BLNK: variants seen among roughly 807,000 people sequenced by gnomAD.
The protein encoded by BLNK is B cell linker.
Under a neutral mutation model 73.5 loss-of-function variants are expected in BLNK, and 29 were observed. That is an observed-to-expected ratio of 0.39 (90% CI 0.29 to 0.54). The LOEUF (loss-of-function observed/expected upper bound fraction) is 0.54. BLNK is among the 20% of genes least tolerant of loss of function. BLNK has a pLI of 0.61. For missense variants in BLNK, 460 were observed against 562.8 expected, an observed-to-expected ratio of 0.82 and a Z score of 1.85; for synonymous variants, 176 against 200.8, an observed-to-expected ratio of 0.88 and a Z score of 1.04.
chr10:96,204,038 A>G lies in BLNK; in HGVS notation c.934+19T>C, dbSNP rs1554896822. The G allele has an allele frequency of 7.5e-6, 12 of 1,608,674 alleles. No individual in the cohort carries two copies. The highest frequency in any genetic ancestry group is 1.0e-5 in the Non-Finnish European group (12 of 1,175,204). Reference sequence around the variant, plus strand: ...CCTCGACCACTCCCTGATACACTACATGGCTTCGTTGTACTTACTTGGCAG... The same window carrying G: ...CCTCGACCACTCCCTGATACACTACGTGGCTTCGTTGTACTTACTTGGCAG... On this transcript the variant is annotated intron_variant, in intron 13 of 16. Coordinates refer to ENST00000224337, the MANE Select transcript of BLNK (RefSeq NM_013314.4).
chr10:96,271,230 G>T, intron 1 of BLNK, 122 bp downstream of exon 1: 1 of 1,147,346 alleles, frequency 8.7e-7, no homozygotes, highest in Non-Finnish European at 1.3e-6. Flanking sequence ...CTTCCCTATA[G>T]TAAGTGCCAC....
In BLNK at chr10:96,230,843, G is replaced by T; in HGVS notation, c.164-9C>A. The T allele has an allele frequency of 6.2e-7, 1 of 1,610,774 alleles. No individual in the cohort carries two copies. The highest frequency in any genetic ancestry group is 8.5e-7 in the Non-Finnish European group (1 of 1,178,690). ...TTCGTCAGCAGGGCTCTCTGCAACAGCAGGGGAGAAGCAGAAGGCACAAGT... is the reference window on the plus strand; with the variant it reads ...TTCGTCAGCAGGGCTCTCTGCAACATCAGGGGAGAAGCAGAAGGCACAAGT... On this transcript the variant is annotated splice_polypyrimidine_tract_variant and intron_variant, in intron 3 of 16. Coordinates refer to ENST00000224337, the MANE Select transcript of BLNK (RefSeq NM_013314.4).
intron 5 of BLNK, among the ~76,000 whole-genome samples, chr10:96,226,758 C>T (rs1554902575): frequency 6.6e-6 from 1 of 151,876 alleles, no homozygotes; most frequent in East Asian, 1.9e-4. Flanking sequence ...GGAGGCTGGA[C>T]CCAGGAGGCA....
intron 1 of BLNK, among the ~76,000 whole-genome samples, chr10:96,261,961 C>A (rs1395427216): frequency 6.6e-6 from 1 of 152,144 alleles, no homozygotes; most frequent in Non-Finnish European, 1.5e-5. Context: ...ACTCTAGGTA[C>A]GAGCTCAGAC....
chr10:96,214,160 G>A (rs587721484), intron 8 of BLNK, among the ~76,000 whole-genome samples: 64 of 152,270 alleles, frequency 4.2e-4, no homozygotes, highest in South Asian at 1.2e-3. Flanking sequence ...GTGTGCACAC[G>A]CGCATATGTG....
chr10:96,202,458 G>C (rs782562653), intron 13 of BLNK, among the ~76,000 whole-genome samples: 1 of 152,192 alleles, frequency 6.6e-6, no homozygotes, highest in African/African-American at 2.4e-5. Flanking sequence ...AAGCAAGTGA[G>C]AAGTCAAGGG....
At chr10:96,244,035 A>C (rs1173324433) in intron 2 of BLNK, among the ~76,000 whole-genome samples, 3 of 152,212 alleles carry the variant, frequency 2.0e-5, no homozygotes, top group African/African-American at 7.2e-5. Context: ...AAAAATGCAC[A>C]CAAAAACAAT....
intron 15 of BLNK, 58 bp from the exon 16 acceptor site, chr10:96,197,121 G>C (rs1554894903): frequency 3.5e-6 from 5 of 1,417,898 alleles, no homozygotes; most frequent in Non-Finnish European, 4.8e-6. Flanking sequence ...ATTTCTACAG[G>C]TTCAAAAAAT....
chr10:96,195,011 C>T (rs587757049), intron 16 of BLNK, among the ~76,000 whole-genome samples: 6 of 151,910 alleles, frequency 3.9e-5, no homozygotes, highest in Non-Finnish European at 8.8e-5. Context: ...CCTCGTGATC[C>T]GCCCGTCTCG....
chr10:96,246,086 T>A (rs1315081055), intron 2 of BLNK, among the ~76,000 whole-genome samples: 1 of 152,126 alleles, frequency 6.6e-6, no homozygotes, highest in Admixed American at 6.5e-5. Context: ...CTAAGGTACG[T>A]CTACCTTAGA....
intron 15 of BLNK, chr10:96,199,626 G>A (rs2083574436): frequency 2.3e-6 from 1 of 431,896 alleles, no homozygotes. Context: ...AAAGGAAAAA[G>A]ATCCTTGTAT....
intron 16 of BLNK, among the ~76,000 whole-genome samples, chr10:96,196,263 T>C (rs868955909): frequency 1.3e-5 from 2 of 152,350 alleles, no homozygotes; most frequent in Middle Eastern, 6.8e-3. Flanking sequence ...TAAGTATCAC[T>C]GCATTTCTAG....
rs150997049 is a variant in BLNK, at chr10:96,207,631, T to C, written c.774+241A>G. On this transcript the variant is annotated intron_variant, in intron 10 of 16. Coordinates refer to ENST00000224337, the MANE Select transcript of BLNK (RefSeq NM_013314.4). ...GAACCTGGCTGCCCCTCTGATCTGC[T>C]GCGCACACTCAGTGAAGCTGCTGGG... Among the ~76,000 whole-genome samples the C allele has an allele frequency of 1.8e-4, 28 of 152,336 alleles. No individual in the cohort carries two copies. In the East Asian group the frequency reaches 4.8e-3, roughly 26 times the overall value.
At chr10:96,220,046 G>A (rs1364344949) in intron 6 of BLNK, among the ~76,000 whole-genome samples, 2 of 152,168 alleles carry the variant, frequency 1.3e-5, no homozygotes, top group Non-Finnish European at 2.9e-5. Flanking sequence ...AGGGTGGGGC[G>A]ACCAGCCTCT....
intron 1 of BLNK, among the ~76,000 whole-genome samples, chr10:96,268,790 A>G (rs1207103871): frequency 6.6e-6 from 1 of 152,092 alleles, no homozygotes; most frequent in Non-Finnish European, 1.5e-5. Context: ...CCCTGGATCA[A>G]GGTCATTCCT....
chr10:96,214,623 G>T (rs147488487), intron 8 of BLNK, among the ~76,000 whole-genome samples: 1 of 152,294 alleles, frequency 6.6e-6, no homozygotes, highest in African/African-American at 2.4e-5. Context: ...GTGCCCGCAG[G>T]GGAGGGAGGA....
chr10:96,268,460 T>C (rs1844113357), intron 1 of BLNK, among the ~76,000 whole-genome samples: 1 of 151,888 alleles, frequency 6.6e-6, no homozygotes, highest in African/African-American at 2.4e-5. Flanking sequence ...ACCCTAAGTG[T>C]CTATGGACTC....
intron 5 of BLNK, among the ~76,000 whole-genome samples, chr10:96,224,903 G>A (rs1243666919): frequency 1.3e-5 from 2 of 152,030 alleles, no homozygotes; most frequent in Admixed American, 1.3e-4. Flanking sequence ...TTACCATGTT[G>A]GCCAGGCTGG....
At chr10:96,226,065 C>T (rs1554902418) in intron 5 of BLNK, among the ~76,000 whole-genome samples, 7 of 152,134 alleles carry the variant, frequency 4.6e-5, no homozygotes, top group Non-Finnish European at 1.0e-4. Context: ...GTGCACAGAG[C>T]CGAGTTGTGA....
Sources: allele counts gnomAD v4.1 joint callset (sites outside exome capture counted in the v4.1 genomes callset), GRCh38; gene constraint gnomAD v4.1.1; transcripts MANE v1.5; gene names NCBI Gene and HGNC (gene_info 2026-07-23, HGNC 2026-07-21).